PRKN: variants seen among roughly 807,000 people sequenced by gnomAD.
PRKN encodes the protein E3 ubiquitin-protein ligase parkin.
A neutral mutation model predicts 59.5 loss-of-function variants in PRKN; 56 were observed. The ratio of observed to expected loss-of-function variants is 0.94; its 90% CI spans 0.76 to 1.18. The LOEUF is 1.18. PRKN is among the 50% of genes most tolerant of loss of function. PRKN has a pLI of 0.00. For synonymous variants in PRKN, 250 were observed against 222.1 expected, an observed-to-expected ratio of 1.13 and a Z score of -1.12; for missense variants, 657 against 596.4, an observed-to-expected ratio of 1.10 and a Z score of -1.06.
chr6:162,482,175 G>T (rs1792338097), intron 1 of PRKN, among the ~76,000 whole-genome samples: 1 of 152,104 alleles, frequency 6.6e-6, no homozygotes, highest in African/African-American at 2.4e-5. Context: ...AAAAAGCCAG[G>T]CTCCTTAAAG....
At chr6:162,207,295 C>T (rs1180995982) in intron 3 of PRKN, among the ~76,000 whole-genome samples, 1 of 152,050 alleles carries the variant, frequency 6.6e-6, no homozygotes, top group African/African-American at 2.4e-5. Context: ...TCGCTTGAAC[C>T]CAGGAGACGG....
intron 6 of PRKN, among the ~76,000 whole-genome samples, chr6:161,931,536 T>A (rs1044812221): frequency 1.3e-5 from 2 of 152,094 alleles, no homozygotes; most frequent in African/African-American, 4.8e-5. Flanking sequence ...CCTCCAAAAT[T>A]GTAAAAAGTA....
At chr6:161,890,146 T>C (rs1358290643) in intron 6 of PRKN, among the ~76,000 whole-genome samples, 1 of 152,226 alleles carries the variant, frequency 6.6e-6, no homozygotes, top group Non-Finnish European at 1.5e-5. Context: ...TCAAATCCTA[T>C]GAAAATCAGT....
chr6:162,004,009 G>A (rs531992905), intron 5 of PRKN, among the ~76,000 whole-genome samples: 2 of 152,196 alleles, frequency 1.3e-5, no homozygotes, highest in Non-Finnish European at 1.5e-5. Flanking sequence ...CCTTGGTCTC[G>A]TCACACAGAT....
At chr6:161,368,199 C>T (rs989045327) in intron 10 of PRKN, among the ~76,000 whole-genome samples, 2 of 150,578 alleles carry the variant, frequency 1.3e-5, no homozygotes, top group African/African-American at 2.4e-5. Context: ...GCCAGTGCGA[C>T]GGTCAGGAGT....
At chr6:161,837,742 G>T (rs952006707) in intron 6 of PRKN, among the ~76,000 whole-genome samples, 1 of 152,172 alleles carries the variant, frequency 6.6e-6, no homozygotes, top group African/African-American at 2.4e-5. Context: ...GCCCAGGTGA[G>T]CTTCAATCTG....
chr6:162,148,924 G>A (rs1391677029), intron 4 of PRKN, among the ~76,000 whole-genome samples: 3 of 152,182 alleles, frequency 2.0e-5, no homozygotes, highest in Non-Finnish European at 4.4e-5. Flanking sequence ...GCAGGTTCAA[G>A]TGTGTTTACA....
At position 161,545,459 on chromosome 6, in the gene PRKN, A is replaced by T. The variant is rs751843895; in HGVS notation, c.1083+3395T>A. ...CATACTGTGAGAGCAAAGAGTAAAAAGAGATTCACCTTCTTCTAACTTTTA... is the reference window on the plus strand; with the variant it reads ...CATACTGTGAGAGCAAAGAGTAAAATGAGATTCACCTTCTTCTAACTTTTA... On this transcript the variant is annotated intron_variant, in intron 9 of 11. Transcript: ENST00000366898. This position sits in a 1 kb window ranked among gnomAD's most constrained non-coding sequence, Gnocchi z 4.1. The T allele has an allele frequency of 6.5e-7, 1 of 1,536,774 alleles. No individual in the cohort carries two copies. The highest frequency in any genetic ancestry group is 1.7e-5 in the Admixed American group (1 of 59,828).
intron 1 of PRKN, among the ~76,000 whole-genome samples, chr6:162,546,100 G>GTT (rs11396761): frequency 0.23 from 26,708 of 116,512 alleles, 4,151 homozygotes; most frequent in African/African-American, 0.38. Context: ...AGTGTATGCA[G>GTT]TTTTTTTTTT....
intron 1 of PRKN, among the ~76,000 whole-genome samples, chr6:162,537,962 C>T (rs2128198873): frequency 1.3e-5 from 2 of 152,262 alleles, no homozygotes; most frequent in East Asian, 3.9e-4. Flanking sequence ...ACTACATTAC[C>T]CCAAACACCC....
intron 2 of PRKN, among the ~76,000 whole-genome samples, chr6:162,334,393 T>C (rs903912055): frequency 3.3e-5 from 5 of 152,194 alleles, no homozygotes; most frequent in Non-Finnish European, 7.3e-5. Flanking sequence ...AAGCCAATGC[T>C]CATTTCCATT....
rs536911333 is a variant in PRKN, at chr6:162,244,712, G to T, written c.412+17813C>A. ...GTGAAGTGGTTGTTTTTGCATCAGG[G>T]TATATGGAATTAATGTTGATTCTTC... On this transcript the variant is annotated intron_variant, in intron 3 of 11. Coordinates refer to ENST00000366898, the MANE Select transcript of PRKN (RefSeq NM_004562.3). Among the ~76,000 whole-genome samples the T allele has an allele frequency of 1.8e-4, 28 of 152,148 alleles. 1 individual carries two copies. Among genetic ancestry groups the T allele is most frequent in the African/African-American group, 6.7e-4 (28 of 41,532 alleles).
At chr6:162,632,709 A>G (rs1299470682) in intron 1 of PRKN, among the ~76,000 whole-genome samples, 3 of 152,154 alleles carry the variant, frequency 2.0e-5, no homozygotes, top group Non-Finnish European at 2.9e-5. Context: ...GTGTAACTGT[A>G]ATAAGAAACA....
In PRKN at chr6:162,064,868, T is replaced by C. The variant is rs192525482; in HGVS notation, c.535-10694A>G. 4.6e-5 allele frequency among the ~76,000 whole-genome samples: 7 copies of C among 152,356 alleles called. No homozygotes were observed. In the East Asian group the frequency reaches 1.3e-3, roughly 29 times the overall value. ...AAGGACGAGTCCCCAGAATTCTCAT[T>C]AATGGCCTCTTTTCTCTTTGTCCCA... On this transcript the variant is annotated intron_variant, in intron 4 of 11. Transcript: ENST00000366898.
In PRKN at chr6:161,480,858, T is replaced by G. The variant is rs1791356901; in HGVS notation, c.1083+67996A>C. Among the ~76,000 whole-genome samples, 1 of 152,238 alleles carries G rather than the reference T, an allele frequency of 6.6e-6. No individual in the cohort carries two copies. The highest frequency in any genetic ancestry group is 2.4e-5 in the African/African-American group (1 of 41,460). ...TTTCATTGCTATAACTAATTAGCAT[T>G]AGAGAAACCATTTTCATAAGCAGTG... On this transcript the variant is annotated intron_variant, in intron 9 of 11. Coordinates refer to ENST00000366898, the MANE Select transcript of PRKN (RefSeq NM_004562.3). This position sits in a 1 kb window ranked among gnomAD's most constrained non-coding sequence, Gnocchi z 4.1.
intron 6 of PRKN, among the ~76,000 whole-genome samples, chr6:161,807,682 T>C (rs1562699285): frequency 6.6e-6 from 1 of 152,136 alleles, no homozygotes; most frequent in Non-Finnish European, 1.5e-5. Flanking sequence ...CAGGGGCAGT[T>C]CCCCTGTGTC....
intron 9 of PRKN, among the ~76,000 whole-genome samples, chr6:161,485,013 C>A (rs1040591530): frequency 2.0e-5 from 3 of 152,316 alleles, no homozygotes; most frequent in South Asian, 2.1e-4. Context: ...CCAGTCAGAT[C>A]AGCTCATGTG....
chr6:161,564,009 C>A (rs1414197052), intron 8 of PRKN, among the ~76,000 whole-genome samples: 1 of 151,984 alleles, frequency 6.6e-6, no homozygotes, highest in Non-Finnish European at 1.5e-5. Flanking sequence ...CCCTTGTCTA[C>A]AAAAAGCTAA....
intron 2 of PRKN, among the ~76,000 whole-genome samples, chr6:162,337,769 G>A (rs1483605997): frequency 6.6e-6 from 1 of 152,014 alleles, no homozygotes; most frequent in Non-Finnish European, 1.5e-5. Flanking sequence ...ACATAGGAAT[G>A]GAAAGAAAAC....
Sources: allele counts gnomAD v4.1 joint callset (sites outside exome capture counted in the v4.1 genomes callset), GRCh38; gene constraint gnomAD v4.1.1; non-coding constraint Gnocchi (gnomAD v3.1); transcripts MANE v1.5; gene names NCBI Gene and HGNC (gene_info 2026-07-23, HGNC 2026-07-21).